Variants in KIAA1217 observed in about 807,000 individuals in gnomAD.
The protein encoded by KIAA1217 is KIAA1217.
A neutral mutation model predicts 163.9 loss-of-function variants in KIAA1217; 88 were observed. The ratio of observed to expected loss-of-function variants is 0.54; its 90% CI spans 0.45 to 0.64. The LOEUF is 0.64. Ranked by LOEUF, KIAA1217 falls within the 30% of genes least tolerant of loss-of-function variation. The pLI, the probability that KIAA1217 is intolerant of heterozygous loss-of-function variation, is 0.00. For synonymous variants in KIAA1217, 903 were observed against 923.1 expected (o/e 0.98, Z 0.39); for missense variants, 2,372 against 2,475.0 (o/e 0.96, Z 0.88).
intron 10 of KIAA1217, among the ~76,000 whole-genome samples, chr10:24,517,274 T>G (rs1417207658): frequency 1.3e-5 from 2 of 152,116 alleles, no homozygotes; most frequent in Admixed American, 1.3e-4. Context: ...GTTAACTGAT[T>G]GGATGGCTAG....
intron 2 of KIAA1217, among the ~76,000 whole-genome samples, chr10:24,343,386 TC>T (rs2047343710): frequency 6.6e-6 from 1 of 152,242 alleles, no homozygotes; most frequent in Non-Finnish European, 1.5e-5. Context: ...GAGTATATTT[TC>T]CTATATTAGT....
chr10:23,958,353 G>A (rs995489001), intron 1 of KIAA1217, among the ~76,000 whole-genome samples: 1 of 152,128 alleles, frequency 6.6e-6, no homozygotes, highest in Admixed American at 6.5e-5. Context: ...AAAAAATTGG[G>A]GCAAGCACAT....
chr10:24,349,447 A>G (rs964795337), intron 2 of KIAA1217, among the ~76,000 whole-genome samples: 1 of 152,236 alleles, frequency 6.6e-6, no homozygotes, highest in African/African-American at 2.4e-5. Context: ...AAGTTATTTT[A>G]GTTACTCCTG....
chr10:24,124,695 T>G (rs1009723795), intron 2 of KIAA1217, among the ~76,000 whole-genome samples: 11 of 152,182 alleles, frequency 7.2e-5, no homozygotes, highest in Non-Finnish European at 1.5e-4. Flanking sequence ...TGAACTTGTT[T>G]TTTCTCTTTT....
In KIAA1217 at chr10:24,473,669, C is replaced by T. The variant is rs1564748148; in HGVS notation, c.1288C>T (p.Arg430Trp). The T allele has an allele frequency of 1.9e-6, 3 of 1,614,126 alleles. No homozygotes were observed. Among genetic ancestry groups the T allele is most frequent in the African/African-American group, 1.3e-5 (1 of 75,026 alleles). ...HIIAYHRTAI[R>W]SASAYCNPSM... ...CATTGCATATCACCGCACCGCCATC[C>T]GGTCAGCGAGTGCTTATTGTAACCC... Residue 430 changes from arginine (R) to tryptophan (W), a missense_variant, in exon 6 of 21, where the codon CGG becomes TGG. By Grantham distance (101) the Arg-to-Trp change is moderately radical. This residue lies in a region of KIAA1217 where 1,431 missense variants were observed against 1,470.3 expected (regional missense o/e 0.97). Transcript: ENST00000376454.
intron 2 of KIAA1217, among the ~76,000 whole-genome samples, chr10:24,368,069 A>T (rs940737426): frequency 1.3e-5 from 2 of 152,230 alleles, no homozygotes; most frequent in Admixed American, 1.3e-4. Context: ...GCCCAGACAA[A>T]TAAACATTAA....
intron 2 of KIAA1217, among the ~76,000 whole-genome samples, chr10:24,333,377 C>A (rs1447432007): frequency 6.6e-6 from 1 of 152,134 alleles, no homozygotes; most frequent in Non-Finnish European, 1.5e-5. Flanking sequence ...AGAAGGCCTA[C>A]ATGCTGAGTT....
intron 2 of KIAA1217, among the ~76,000 whole-genome samples, chr10:24,148,243 C>T (rs552682645): frequency 8.6e-5 from 13 of 151,956 alleles, no homozygotes; most frequent in East Asian, 7.7e-4. Context: ...CAAATCGAAC[C>T]GAGTTTTATA....
intron 1 of KIAA1217, among the ~76,000 whole-genome samples, chr10:23,860,946 C>T (rs1264872191): frequency 1.3e-5 from 2 of 150,112 alleles, no homozygotes; most frequent in African/African-American, 2.5e-5. Context: ...TGGAATCTTG[C>T]TCTGTTACCC....
chr10:24,328,423 T>C (rs2045227787), intron 2 of KIAA1217, among the ~76,000 whole-genome samples: 2 of 152,012 alleles, frequency 1.3e-5, no homozygotes, highest in Admixed American at 1.3e-4. Context: ...GGAGGCCTGA[T>C]GGTTTCCTGA....
chr10:23,707,789 A>T (rs1836986990), intron 1 of KIAA1217, among the ~76,000 whole-genome samples: 1 of 152,126 alleles, frequency 6.6e-6, no homozygotes, highest in South Asian at 2.1e-4. Flanking sequence ...CACCAGTTTT[A>T]TTTTGGTTTC....
At chr10:23,985,538 C>T (rs760000969) in intron 1 of KIAA1217, among the ~76,000 whole-genome samples, 1 of 152,144 alleles carries the variant, frequency 6.6e-6, no homozygotes, top group Non-Finnish European at 1.5e-5. Context: ...TTTCCATTCT[C>T]CTATAATGGT....
At chr10:24,479,967 A>G (rs1031382552) in intron 6 of KIAA1217, among the ~76,000 whole-genome samples, 6 of 152,174 alleles carry the variant, frequency 3.9e-5, no homozygotes, top group African/African-American at 1.4e-4. Context: ...ACCTTCCACT[A>G]GGCCCCACCT....
chr10:24,533,098 C>A lies in KIAA1217; in HGVS notation c.3275C>A (p.Pro1092Gln). ...KASSEDAGPS[P>Q]QTRATKYPAE... ...AGCAGTGAAGATGCTGGACCAAGCC[C>A]ACAGACCAGAGCTACAAAATATCCA... The change falls in exon 16 of 21, where the codon CCA becomes CAA. Residue 1092 changes from proline to glutamine, a missense_variant. Pro to Gln is a moderately conservative substitution (Grantham distance 76). This residue lies in a region of KIAA1217 where 1,431 missense variants were observed against 1,470.3 expected (regional missense o/e 0.97). Coordinates refer to ENST00000376454, the MANE Select transcript of KIAA1217 (RefSeq NM_019590.5). 2.5e-6 allele frequency: 4 copies of A among 1,613,270 alleles called. No individual in the cohort carries two copies. The highest frequency in any genetic ancestry group is 3.4e-6 in the Non-Finnish European group (4 of 1,179,606).
intron 1 of KIAA1217, among the ~76,000 whole-genome samples, chr10:23,918,733 T>TATACACACACACACACACACAC (rs769797460): frequency 1.4e-5 from 2 of 147,478 alleles, no homozygotes; most frequent in African/African-American, 5.0e-5. Flanking sequence ...ATTAAATATA[T>TATACACACACACACACACACAC]ACACACACAC....
Position 24,547,208 on chromosome 10 carries a change from GA to G in KIAA1217, c.*889del, listed in dbSNP as rs1263753992. 2.0e-5 allele frequency: 3 copies of G among 152,314 alleles called. No homozygotes were observed. The highest frequency in any genetic ancestry group is 4.4e-5 in the Non-Finnish European group (3 of 67,996). 9.4% of individuals were successfully genotyped at this position (152,314 alleles called of 1,614,324 possible). ...TATACTCTGTACGGTTCTGTAAACC[GA>G]AAAACTTTTGTAAATATATAAATAT... On this transcript the variant is annotated 3_prime_UTR_variant, in exon 21 of 21. Transcript: ENST00000376454.
chr10:24,227,314 C>A (rs1276251626), intron 2 of KIAA1217, among the ~76,000 whole-genome samples: 2 of 148,426 alleles, frequency 1.3e-5, no homozygotes, highest in African/African-American at 5.0e-5. Flanking sequence ...TCCGCCACCA[C>A]ACCCAGCTAA....
In KIAA1217 at chr10:24,509,898, T is replaced by G. The variant is rs534900042; in HGVS notation, c.2002-3361T>G. Among the ~76,000 whole-genome samples the G allele has an allele frequency of 3.9e-4, 60 of 152,300 alleles. 1 individual carries two copies. The South Asian group carries it at 0.012, about 31-fold the overall frequency. ...TTCATTAAGTGGAAGTGGATCATTATAAAGGTCTTCATCCTCATTGTCTTC... is the reference window on the plus strand; with the variant it reads ...TTCATTAAGTGGAAGTGGATCATTAGAAAGGTCTTCATCCTCATTGTCTTC... On this transcript the variant is annotated intron_variant, in intron 9 of 20. Transcript: ENST00000376454.
chr10:24,138,613 G>A (rs1185210353), intron 2 of KIAA1217, among the ~76,000 whole-genome samples: 3 of 144,778 alleles, frequency 2.1e-5, no homozygotes, highest in Non-Finnish European at 3.0e-5. Flanking sequence ...AATTTCCTGT[G>A]GTTTTAAATT....
Sources: allele counts gnomAD v4.1 joint callset (sites outside exome capture counted in the v4.1 genomes callset), GRCh38; gene constraint gnomAD v4.1.1; regional missense constraint gnomAD v4.1.1; transcripts MANE v1.5; gene names NCBI Gene and HGNC (gene_info 2026-07-23, HGNC 2026-07-21).